CSMD1: variants seen among roughly 807,000 people sequenced by gnomAD.
CSMD1 encodes the protein CUB and Sushi multiple domains 1.
Under a neutral mutation model 417.5 loss-of-function variants are expected in CSMD1, and 213 were observed. The observed-to-expected ratio is 0.51, with a 90% CI of 0.46 to 0.57. CSMD1 has a LOEUF of 0.57. Ranked by LOEUF, CSMD1 falls within the 20% of genes least tolerant of loss-of-function variation. CSMD1 has a pLI of 0.00. For synonymous variants in CSMD1, 2,862 were observed against 1,736.8 expected (o/e 1.65, Z -16.11); for missense variants, 6,923 against 4,529.7 (o/e 1.53, Z -15.17).
At chr8:3,280,788 A>ATATAT (rs150664793) in intron 26 of CSMD1, among the ~76,000 whole-genome samples, 152,034 of 152,178 alleles carry the variant, frequency 1, 75,945 homozygotes, top group Middle Eastern at 1. Flanking sequence ...CTAAACACTA[A>ATATAT]TAATTAATTA....
chr8:4,940,488 C>A (rs1807922603), intron 1 of CSMD1, among the ~76,000 whole-genome samples: 1 of 152,182 alleles, frequency 6.6e-6, no homozygotes, highest in Non-Finnish European at 1.5e-5. Flanking sequence ...TGTGTCCCCA[C>A]TTTGTTTGCT....
At chr8:3,279,639 G>C (rs146538233) in intron 26 of CSMD1, among the ~76,000 whole-genome samples, 14 of 152,226 alleles carry the variant, frequency 9.2e-5, no homozygotes, top group Non-Finnish European at 1.6e-4. Flanking sequence ...ACCTGAGACT[G>C]GGTGATTTAT....
At chr8:4,699,116 C>T (rs1212270625) in intron 1 of CSMD1, among the ~76,000 whole-genome samples, 2 of 152,146 alleles carry the variant, frequency 1.3e-5, no homozygotes, top group African/African-American at 4.8e-5. Context: ...TCTCATTACT[C>T]AATCATTTAC....
At chr8:3,791,293 C>A (rs1253779869) in intron 5 of CSMD1, among the ~76,000 whole-genome samples, 1 of 152,084 alleles carries the variant, frequency 6.6e-6, no homozygotes, top group African/African-American at 2.4e-5. Flanking sequence ...AATTAATGAA[C>A]ATAAATTTAG....
intron 10 of CSMD1, among the ~76,000 whole-genome samples, chr8:3,562,682 T>A (rs1437521567): frequency 2.6e-5 from 4 of 152,012 alleles, no homozygotes; most frequent in Admixed American, 2.6e-4. Context: ...AAAGACACTA[T>A]TATAGTTAAT....
intron 5 of CSMD1, among the ~76,000 whole-genome samples, chr8:3,975,086 G>A (rs1028052058): frequency 6.6e-6 from 1 of 152,008 alleles, no homozygotes; most frequent in African/African-American, 2.4e-5. Flanking sequence ...ATTTCTTAAC[G>A]TTAAAAACTA....
intron 3 of CSMD1, among the ~76,000 whole-genome samples, chr8:4,195,258 C>T (rs887992802): frequency 6.6e-6 from 1 of 152,132 alleles, no homozygotes; most frequent in Admixed American, 6.5e-5. Context: ...TTTTAAGAGA[C>T]AGGGTCTTGC....
chr8:4,907,062 T>C (rs74817735), intron 1 of CSMD1, among the ~76,000 whole-genome samples: 1,817 of 152,306 alleles, frequency 0.012, 17 homozygotes, highest in African/African-American at 0.026. Context: ...AGTGAGAGAA[T>C]GTTCTATTTT....
At chr8:4,830,116 C>G (rs1800066016) in intron 1 of CSMD1, among the ~76,000 whole-genome samples, 1 of 152,130 alleles carries the variant, frequency 6.6e-6, no homozygotes, top group Admixed American at 6.6e-5. Flanking sequence ...CTTGGAAACT[C>G]AGTTCTGCAA....
chr8:4,247,101 A>G (rs1020160289), intron 3 of CSMD1, among the ~76,000 whole-genome samples: 2 of 152,350 alleles, frequency 1.3e-5, no homozygotes. Flanking sequence ...GGTCTAGTGA[A>G]GAAAACGCCA....
intron 21 of CSMD1, among the ~76,000 whole-genome samples, chr8:3,352,766 G>C (rs1207875689): frequency 6.6e-6 from 1 of 152,196 alleles, no homozygotes; most frequent in African/African-American, 2.4e-5. Flanking sequence ...CTTGAACCCA[G>C]GAGGTGGAGG....
chr8:3,108,750 T>C lies in CSMD1; in HGVS notation c.6609-2A>G. 6.2e-7 allele frequency: 1 copy of C among 1,607,764 alleles called. No homozygotes were observed. Among genetic ancestry groups the C allele is most frequent in the South Asian group, 1.1e-5 (1 of 90,210 alleles). On this transcript the variant is annotated splice_acceptor_variant, in intron 43 of 69. Transcript: ENST00000635120. LOFTEE classifies it high-confidence loss of function. ...GGTGAGTTCTGATCGGGACCGTCCC[T>C]AGGAAAGACAGAAAGAGGTGGCTGG...
intron 26 of CSMD1, among the ~76,000 whole-genome samples, chr8:3,247,134 T>C (rs558104146): frequency 6.6e-6 from 1 of 152,208 alleles, no homozygotes; most frequent in South Asian, 2.1e-4. Flanking sequence ...GATGTCTCAT[T>C]TGCCCCTAAA....
intron 26 of CSMD1, among the ~76,000 whole-genome samples, chr8:3,252,898 C>A (rs138015153): frequency 6.6e-6 from 1 of 151,968 alleles, no homozygotes; most frequent in Non-Finnish European, 1.5e-5. Context: ...TCTGTGGGAT[C>A]GGTGGTGATA....
At chr8:3,827,409 T>C (rs11997561) in intron 5 of CSMD1, among the ~76,000 whole-genome samples, 3,050 of 152,322 alleles carry the variant, frequency 0.02, 117 homozygotes, top group African/African-American at 0.069. Flanking sequence ...AATACCTATA[T>C]AGTTGGAAAA....
chr8:4,346,083 A>T (rs749295827), intron 3 of CSMD1, among the ~76,000 whole-genome samples: 2 of 152,138 alleles, frequency 1.3e-5, no homozygotes, highest in Non-Finnish European at 2.9e-5. Flanking sequence ...GTGAATACGA[A>T]AGTACTACAA....
chr8:4,145,997 C>T (rs141569436), intron 3 of CSMD1, among the ~76,000 whole-genome samples: 3 of 150,812 alleles, frequency 2.0e-5, no homozygotes, highest in Non-Finnish European at 4.4e-5. Flanking sequence ...ATTTTGTACC[C>T]TGCACTAACT....
chr8:3,519,803 G>A (rs535916828), intron 10 of CSMD1, among the ~76,000 whole-genome samples: 1 of 147,572 alleles, frequency 6.8e-6, no homozygotes, highest in African/African-American at 2.5e-5. Context: ...TAAATTAACT[G>A]CTACATTACT....
At chr8:4,065,698 C>G (rs771894552) in intron 3 of CSMD1, among the ~76,000 whole-genome samples, 46 of 152,172 alleles carry the variant, frequency 3.0e-4, no homozygotes, top group Non-Finnish European at 5.7e-4. Flanking sequence ...GTAGGAACAC[C>G]ACATGTATCT....
Sources: allele counts gnomAD v4.1 joint callset (sites outside exome capture counted in the v4.1 genomes callset), GRCh38; gene constraint gnomAD v4.1.1; transcripts MANE v1.5; gene names NCBI Gene and HGNC (gene_info 2026-07-23, HGNC 2026-07-21).